PIGO: variants seen among roughly 807,000 people sequenced by gnomAD.
The protein encoded by PIGO is phosphatidylinositol glycan anchor biosynthesis class O.
PIGO carries 66 observed loss-of-function variants against 86.9 expected under a neutral mutation model. The observed-to-expected ratio is 0.76, with a 90% CI of 0.62 to 0.93. PIGO has a LOEUF of 0.93. PIGO is among the 40% of genes least tolerant of loss of function. PIGO has a pLI of 0.00. For missense variants in PIGO, 1,202 were observed against 1,359.1 expected (o/e 0.88, Z 1.82); for synonymous variants, 570 against 556.4 (o/e 1.02, Z -0.34).
Position 35,091,561 on chromosome 9 carries a change from T to C in PIGO, c.2326A>G (p.Thr776Ala), listed in dbSNP as rs1829419277. 1 of 1,614,028 alleles carries C rather than the reference T, an allele frequency of 6.2e-7. No individual in the cohort carries two copies. The highest frequency in any genetic ancestry group is 1.7e-5 in the Admixed American group (1 of 60,022). The change falls in exon 7 of 11, where the codon ACC becomes GCC. Residue 776 changes from threonine to alanine, a missense_variant. Physicochemically the swap from Thr to Ala is moderately conservative, Grantham distance 58. Transcript: ENST00000378617. ...LVKAGAGAPR[T>A]RTVLTPFSGP... Reference sequence around the variant, plus strand: ...GAGAAGGGAGTGAGGACAGTCCTGGTCCTTGGAGCGCCTGCCCCAGCCTTC... The same window carrying C: ...GAGAAGGGAGTGAGGACAGTCCTGGCCCTTGGAGCGCCTGCCCCAGCCTTC...
rs752615891 is a variant in PIGO at position 35,089,430 on chromosome 9, T to C, written c.3090A>G (p.Ala1030=). Residue 1030 remains alanine, a synonymous_variant, in exon 10 of 11, where the codon GCA becomes GCG. Transcript: ENST00000378617. The part of the protein sequence containing the change: ...LGIQILACAL[A]ASILRRHLMV... ...TGAGATGCCTGCGAAGGATGGAGGC[T>C]GCCAAGGCACAGGCCAGAATCTAGA... is the stretch of plus-strand genomic sequence containing the variant. 6.2e-7 allele frequency: 1 copy of C among 1,614,172 alleles called. No individual in the cohort carries two copies. Among genetic ancestry groups the C allele is most frequent in the Non-Finnish European group, 8.5e-7 (1 of 1,180,036 alleles).
chr9:35,089,089 A>ACT lies in PIGO; in HGVS notation c.*2_*3insAG. 1 of 1,614,142 alleles carries ACT rather than the reference A, an allele frequency of 6.2e-7. No homozygotes were observed. Among genetic ancestry groups the ACT allele is most frequent in the Non-Finnish European group, 8.5e-7 (1 of 1,180,008 alleles). The stretch of plus-strand genomic sequence containing the variant: ...AGCCAAGTGCCAGTAATCACAGACT[A>ACT]GGCTACCTCTGCTGGGCCAGAAATA... On this transcript the variant is annotated 3_prime_UTR_variant, in exon 11 of 11. Coordinates refer to ENST00000378617, the MANE Select transcript of PIGO (RefSeq NM_032634.4).
At chr9:35,091,168 C>T (rs971208320) in intron 7 of PIGO, 72 bp downstream of exon 7, 1 of 1,458,608 alleles carries the variant, frequency 6.9e-7, no homozygotes, top group Non-Finnish European at 9.2e-7. Context: ...AGGAGCAACA[C>T]CTCCTTGAAA....
intron 7 of PIGO, 199 bp downstream of exon 7, chr9:35,091,041 C>A (rs753362487): frequency 1.6e-6 from 1 of 633,966 alleles, no homozygotes; most frequent in South Asian, 2.1e-5. Flanking sequence ...CTCCATGAAC[C>A]CTGGGAACCA....
intron 6 of PIGO, 86 bp from the exon 7 acceptor site, chr9:35,092,853 G>A: frequency 7.2e-7 from 1 of 1,395,178 alleles, no homozygotes; most frequent in Non-Finnish European, 9.7e-7. Context: ...ACAAAAGGGG[G>A]TACCTGGAAG....
In PIGO at chr9:35,092,117, C is replaced by T. The variant is rs940459401; in HGVS notation, c.1770G>A (p.Trp590Ter). The change falls in exon 7 of 11, where the codon TGG (tryptophan) becomes TGA (stop). Residue 590 changes from tryptophan to a stop codon, truncating the protein, a stop_gained. Coordinates refer to ENST00000378617, the MANE Select transcript of PIGO (RefSeq NM_032634.4). LOFTEE classifies it high-confidence loss of function. ...GCTTAGGTGGAAGCAGCTGGCCCTC[C>T]CAGTGAAGCTGGACAACCAGGAGCA... ...FILLLVVQLH[W>*]EGQLLPPKLL... 2 of 1,614,234 alleles carry T rather than the reference C, an allele frequency of 1.2e-6. No individual in the cohort carries two copies. Among genetic ancestry groups the T allele is most frequent in the Non-Finnish European group, 1.7e-6 (2 of 1,180,050 alleles).
chr9:35,095,681 T>C, intron 1 of PIGO, 115 bp from the exon 2 acceptor site: 1 of 1,294,676 alleles, frequency 7.7e-7, no homozygotes, highest in Non-Finnish European at 1.0e-6. Flanking sequence ...TTCCTGGAGA[T>C]AAACCATTTC....
chr9:35,091,565 T>C lies in PIGO; in HGVS notation c.2322A>G (p.Pro774=). 1 of 1,614,024 alleles carries C rather than the reference T, an allele frequency of 6.2e-7. No homozygotes were observed. Among genetic ancestry groups the C allele is most frequent in the Non-Finnish European group, 8.5e-7 (1 of 1,180,002 alleles). ...TVLVKAGAGA[P]RTRTVLTPFS... ...AGGGAGTGAGGACAGTCCTGGTCCTTGGAGCGCCTGCCCCAGCCTTCACCA... is the reference window on the plus strand; with the variant it reads ...AGGGAGTGAGGACAGTCCTGGTCCTCGGAGCGCCTGCCCCAGCCTTCACCA... Residue 774 remains proline (P), a synonymous_variant, in exon 7 of 11, where the codon CCA becomes CCG. Coordinates refer to ENST00000378617, the MANE Select transcript of PIGO (RefSeq NM_032634.4).
chr9:35,091,944 CA>C lies in PIGO; in HGVS notation c.1942del (p.Cys648AlafsTer7), dbSNP rs2131075608. 6.2e-7 allele frequency: 1 copy of C among 1,614,222 alleles called. No individual in the cohort carries two copies. The highest frequency in any genetic ancestry group is 1.1e-5 in the South Asian group (1 of 91,088). On this transcript the variant is annotated frameshift_variant, in exon 7 of 11. Transcript: ENST00000378617. LOFTEE classifies it high-confidence loss of function. ...FHRCPEETPV[C>X]HSSPWLSPLA... ...AGGACTCAGCCAGGGAGAGGAGTGG[CA>C]AACAGGTGTCTCTTCAGGGCAACGA...
At position 35,090,061 on chromosome 9, in the gene PIGO, C is replaced by T. The variant is rs368953604; in HGVS notation, c.3069+5G>A. 3.7e-5 allele frequency: 60 copies of T among 1,611,782 alleles called. No homozygotes were observed. The highest frequency in any genetic ancestry group is 6.7e-5 in the Admixed American group (4 of 59,926). ...CCAACTCCCTGATCTCTCTCCTACA[C>T]CCACCTGAATACCAAGGATAAAGAG... On this transcript the variant is annotated splice_donor_5th_base_variant and intron_variant, in intron 9 of 10. Coordinates refer to ENST00000378617, the MANE Select transcript of PIGO (RefSeq NM_032634.4).
At chr9:35,093,297 TGA>T in intron 5 of PIGO, 88 bp from the exon 6 acceptor site, 3 of 1,570,812 alleles carry the variant, frequency 1.9e-6, no homozygotes, top group Non-Finnish European at 2.6e-6. Context: ...AGGTAAGAAA[TGA>T]GAGTGGAGGA....
At chr9:35,095,662 C>A in intron 1 of PIGO, 96 bp from the exon 2 acceptor site, 1 of 1,364,012 alleles carries the variant, frequency 7.3e-7, no homozygotes, top group Non-Finnish European at 9.7e-7. Flanking sequence ...TCACTTCCTC[C>A]CGGAAACCTT....
Position 35,092,608 on chromosome 9 carries a change from C to T in PIGO, c.1279G>A (p.Glu427Lys). Residue 427 changes from glutamate to lysine, a missense_variant, in exon 7 of 11, where the codon GAG becomes AAG. By Grantham distance (56) the Glu-to-Lys change is moderately conservative. Transcript: ENST00000378617. ...AEATLPTVIA[E>K]LQQFLRGARA... Reference sequence around the variant, plus strand: ...GCTCCCCGCAGGAACTGCTGCAGCTCAGCAATCACAGTCGGCAGTGTCGCC... The same window carrying T: ...GCTCCCCGCAGGAACTGCTGCAGCTTAGCAATCACAGTCGGCAGTGTCGCC... The T allele has an allele frequency of 6.2e-7, 1 of 1,614,272 alleles. No individual in the cohort carries two copies. The highest frequency in any genetic ancestry group is 8.5e-7 in the Non-Finnish European group (1 of 1,180,054).
Position 35,094,280 on chromosome 9 carries a change from TGG to T in PIGO, c.589_590del (p.Pro197IlefsTer26), listed in dbSNP as rs763591247. 5 of 1,608,236 alleles carry T rather than the reference TGG, an allele frequency of 3.1e-6. No homozygotes were observed. The highest frequency in any genetic ancestry group is 1.7e-5 in the Admixed American group (1 of 57,500). On this transcript the variant is annotated frameshift_variant, in exon 3 of 11. Coordinates refer to ENST00000378617, the MANE Select transcript of PIGO (RefSeq NM_032634.4). LOFTEE classifies it high-confidence loss of function. ...TGTCTAGGTCTCTGACATTGAAGGA[TGG>T]GAAGAAGAAAGCTTTGGAGAAAGCA... ...PGAFSKAFFF[P>X]SFNVRDLDTV...
chr9:35,092,470 T>C lies in PIGO; in HGVS notation c.1417A>G (p.Ile473Val), dbSNP rs374433000. ...GGGCAGAATGGAAAGCCTGGGGATA[T>C]TGCCCACTGAGATGCCAGCAGGCAG... is the stretch of plus-strand genomic sequence containing the variant. ...FICLLASQWAISPGFPFCPLL... is the reference protein window; with the variant it reads ...FICLLASQWAVSPGFPFCPLL... Residue 473 changes from isoleucine (I) to valine (V), a missense_variant, in exon 7 of 11, where the codon ATA (isoleucine) becomes GTA (valine). By Grantham distance (29) the Ile-to-Val change is conservative. Coordinates refer to ENST00000378617, the MANE Select transcript of PIGO (RefSeq NM_032634.4). 3.7e-6 allele frequency: 6 copies of C among 1,614,060 alleles called. No homozygotes were observed. Among genetic ancestry groups the C allele is most frequent in the African/African-American group, 2.7e-5 (2 of 74,942 alleles).
chr9:35,095,894 C>A, intron 1 of PIGO: 1 of 201,600 alleles, frequency 5.0e-6, no homozygotes, highest in Non-Finnish European at 1.0e-5. Context: ...GTCTCAGCTA[C>A]TGGGGAGGCT....
intron 6 of PIGO, 41 bp downstream of exon 6, chr9:35,092,989 A>C: frequency 1.3e-6 from 2 of 1,573,086 alleles, no homozygotes; most frequent in Non-Finnish European, 1.7e-6. Context: ...TTTCATGCCC[A>C]CCCTAGCTCT....
chr9:35,095,608 G>A, intron 1 of PIGO, 42 bp from the exon 2 acceptor site: 1 of 1,473,144 alleles, frequency 6.8e-7, no homozygotes, highest in Non-Finnish European at 9.0e-7. Context: ...GTGGGGCAAA[G>A]AACCAGTGGA....
In PIGO at chr9:35,091,784, C is replaced by T. The variant is rs1220794921; in HGVS notation, c.2103G>A (p.Met701Ile). 5 of 1,612,822 alleles carry T rather than the reference C, an allele frequency of 3.1e-6. No homozygotes were observed. ...GGGGCAGTCCCCAGCGCACAAAGAG[C>T]ATGGGTGGCTCGGGGCTCTTGAGAT... is the stretch of plus-strand genomic sequence containing the variant. ...YGNLKSPEPP[M>I]LFVRWGLPLM... is the part of the protein sequence containing the mutation. Residue 701 changes from methionine to isoleucine, a missense_variant, in exon 7 of 11, where the codon ATG (methionine) becomes ATA (isoleucine). Met to Ile is a conservative substitution (Grantham distance 10). Transcript: ENST00000378617.
Sources: gnomAD v4.1 joint callset for allele counts on GRCh38, gnomAD v4.1.1 for gene constraint, MANE v1.5 for transcripts, NCBI Gene and HGNC (gene_info 2026-07-23, HGNC 2026-07-21) for gene names.